Variants in RYR2 observed in about 807,000 individuals in gnomAD.
RYR2 encodes ryanodine receptor 2, also known as cardiac muscle ryanodine receptor-calcium release channel.
Under a neutral mutation model 601.1 loss-of-function variants are expected in RYR2, and 227 were observed. The ratio of observed to expected loss-of-function variants is 0.38; its 90% CI spans 0.34 to 0.42. The LOEUF is 0.42. Ranked by LOEUF, RYR2 falls within the 10% of genes least tolerant of loss-of-function variation. The pLI is 1.00. For synonymous variants in RYR2, 2,223 were observed against 2,175.1 expected (o/e 1.02, Z -0.61); for missense variants, 4,646 against 6,156.5 (o/e 0.75, Z 8.21).
At chr1:237,275,911 A>G (rs975597682) in intron 2 of RYR2, among the ~76,000 whole-genome samples, 4 of 152,168 alleles carry the variant, frequency 2.6e-5, no homozygotes, top group Non-Finnish European at 5.9e-5. Context: ...AATAAAAACC[A>G]CACAAAAGAC....
intron 1 of RYR2, among the ~76,000 whole-genome samples, chr1:237,155,019 A>AGCTT (rs1675150386): frequency 6.6e-6 from 1 of 152,076 alleles, no homozygotes; most frequent in Non-Finnish European, 1.5e-5. Context: ...TTGCTTTCCA[A>AGCTT]GCCTCAAGGA....
Position 237,601,254 on chromosome 1 carries a change from A to T in RYR2, c.4597-771A>T, listed in dbSNP as rs574787402. Among the ~76,000 whole-genome samples, 5 of 152,146 alleles carry T rather than the reference A, an allele frequency of 3.3e-5. No individual in the cohort carries two copies. The South Asian group carries it at 1.0e-3, about 32-fold the overall frequency. ...ACACAGTGGAATACTATTTGGTCATAAAAAAAATGAGAACCTGTCATTCGC... is the reference window on the plus strand; with the variant it reads ...ACACAGTGGAATACTATTTGGTCATTAAAAAAATGAGAACCTGTCATTCGC... On this transcript the variant is annotated intron_variant, in intron 34 of 104. Transcript: ENST00000366574.
At chr1:237,798,801 C>CACACATAT (rs3835529) in intron 97 of RYR2, among the ~76,000 whole-genome samples, 23 of 148,398 alleles carry the variant, frequency 1.5e-4, no homozygotes, top group African/African-American at 5.9e-4. Context: ...CACACACACA[C>CACACATAT]ATATAGTGTG....
At position 237,649,992 on chromosome 1, in the gene RYR2, C is replaced by T. The variant is rs745356711; in HGVS notation, c.7628C>T (p.Ser2543Phe). 1 of 1,614,010 alleles carries T rather than the reference C, an allele frequency of 6.2e-7. No homozygotes were observed. The highest frequency in any genetic ancestry group is 1.7e-5 in the Admixed American group (1 of 60,024). Residue 2543 changes from serine (S) to phenylalanine (F), a missense_variant, in exon 50 of 105, where the codon TCT (serine) becomes TTT (phenylalanine). By Grantham distance (155) the Ser-to-Phe change is radical. This residue lies in a region of RYR2 where 1,497 missense variants were observed against 1,842.6 expected (regional missense o/e 0.81). Coordinates refer to ENST00000366574, the MANE Select transcript of RYR2 (RefSeq NM_001035.3). ...PLFAGTEHHA[S>F]LIDSLLHTVY... ...TTTGCTGGCACAGAGCACCACGCTTCTCTCATTGACTCATTACTTCATACT... is the reference window on the plus strand; with the variant it reads ...TTTGCTGGCACAGAGCACCACGCTTTTCTCATTGACTCATTACTTCATACT...
intron 20 of RYR2, among the ~76,000 whole-genome samples, chr1:237,498,051 A>C (rs1664259556): frequency 6.6e-6 from 1 of 151,906 alleles, no homozygotes; most frequent in Non-Finnish European, 1.5e-5. Context: ...ATTTTAGTAG[A>C]GTCGGGGTTT....
intron 41 of RYR2, among the ~76,000 whole-genome samples, chr1:237,629,390 TAAAG>T (rs1680021245): frequency 6.6e-6 from 1 of 151,612 alleles, no homozygotes; most frequent in Non-Finnish European, 1.5e-5. Context: ...TAAAAATAAT[TAAAG>T]AAAAAATAAG....
chr1:237,309,846 C>T (rs1306210859), intron 2 of RYR2, among the ~76,000 whole-genome samples: 1 of 152,178 alleles, frequency 6.6e-6, no homozygotes, highest in Non-Finnish European at 1.5e-5. Flanking sequence ...GGACCTGGTG[C>T]ACCCTCTGCA....
At chr1:237,662,480 A>G (rs1056049088) in intron 56 of RYR2, among the ~76,000 whole-genome samples, 21 of 74,594 alleles carry the variant, frequency 2.8e-4, no homozygotes, top group African/African-American at 7.6e-4. Context: ...CAGTATAGAG[A>G]AAGGGATGTT....
In RYR2 at chr1:237,784,729, GGATGAGGTTAGAGGA is replaced by G; in HGVS notation, c.13022_13036del (p.Glu4341_Asp4345del). On this transcript the variant is annotated inframe_deletion, in exon 90 of 105. Coordinates refer to ENST00000366574, the MANE Select transcript of RYR2 (RefSeq NM_001035.3). This position sits in a 1 kb window ranked among gnomAD's most constrained non-coding sequence, Gnocchi z 7.1. ...TAGCCAACATGCCAGACCCCACTCA[GGATGAGGTTAGAGGA>G]GATGGGGAGGAGGGAGAGAGGAAAC... 2 of 1,604,926 alleles carry G rather than the reference GGATGAGGTTAGAGGA, an allele frequency of 1.2e-6. No individual in the cohort carries two copies. Among genetic ancestry groups the G allele is most frequent in the Non-Finnish European group, 1.7e-6 (2 of 1,174,662 alleles).
At chr1:237,331,826 T>C (rs1016119796) in intron 3 of RYR2, among the ~76,000 whole-genome samples, 2 of 152,124 alleles carry the variant, frequency 1.3e-5, no homozygotes, top group Admixed American at 6.5e-5. Flanking sequence ...GAAATTGTTA[T>C]GTGGTTTCCT....
At chr1:237,767,295 A>AAGTT (rs1174926616) in intron 84 of RYR2, among the ~76,000 whole-genome samples, 1 of 152,170 alleles carries the variant, frequency 6.6e-6, no homozygotes, top group Non-Finnish European at 1.5e-5. Context: ...ACTGATGGTA[A>AAGTT]CTTTACAACA....
At position 237,614,108 on chromosome 1, in the gene RYR2, C is replaced by A. The variant is rs1223476500; in HGVS notation, c.4980C>A (p.Leu1660=). ...AATTTCACTATCACACTCTCCGGCT[C>A]TACTCAGCCGTCTGTGCTCTTGGGA... The part of the protein sequence containing the change: ...LLKFHYHTLR[L]YSAVCALGNH... The change falls in exon 37 of 105, where the codon CTC becomes CTA. Residue 1660 remains leucine (L), a synonymous_variant. Coordinates refer to ENST00000366574, the MANE Select transcript of RYR2 (RefSeq NM_001035.3). The surrounding 1 kb of genome is among the most constrained non-coding windows in gnomAD (Gnocchi z 4.3). 2 of 1,613,922 alleles carry A rather than the reference C, an allele frequency of 1.2e-6. No homozygotes were observed. Among genetic ancestry groups the A allele is most frequent in the Non-Finnish European group, 1.7e-6 (2 of 1,179,902 alleles).
At chr1:237,588,040 ATTTCT>A (rs1674726224) in intron 29 of RYR2, among the ~76,000 whole-genome samples, 1 of 151,988 alleles carries the variant, frequency 6.6e-6, no homozygotes, top group South Asian at 2.1e-4. Flanking sequence ...ATTTGATTTG[ATTTCT>A]TTTTATTTGA....
At chr1:237,463,634 A>T (rs575116298) in intron 16 of RYR2, among the ~76,000 whole-genome samples, 1 of 152,196 alleles carries the variant, frequency 6.6e-6, no homozygotes, top group Non-Finnish European at 1.5e-5. Context: ...TGAGGAAGGG[A>T]GTTGGAGACC....
chr1:237,486,586 T>G (rs191105942), intron 17 of RYR2, among the ~76,000 whole-genome samples: 1 of 152,342 alleles, frequency 6.6e-6, no homozygotes, highest in Admixed American at 6.5e-5. Context: ...GAAAGGCAGC[T>G]AATGTTACTG....
chr1:237,500,631 A>G, intron 20 of RYR2, 80 bp from the exon 21 acceptor site: 14 of 1,267,014 alleles, frequency 1.1e-5, no homozygotes, highest in Non-Finnish European at 1.5e-5. Context: ...TACTTATTCA[A>G]ATCTTTTGAC....
intron 80 of RYR2, among the ~76,000 whole-genome samples, 151 bp from the exon 81 acceptor site, chr1:237,756,134 TTAA>T (rs1692934420): frequency 6.6e-6 from 1 of 152,048 alleles, no homozygotes; most frequent in Non-Finnish European, 1.5e-5. Flanking sequence ...GTTGAATATG[TTAA>T]TAATATCTGT....
chr1:237,209,022 A>C (rs1474818407), intron 1 of RYR2, among the ~76,000 whole-genome samples: 1 of 139,508 alleles, frequency 7.2e-6, no homozygotes, highest in Non-Finnish European at 1.5e-5. Context: ...GCCATGTGAA[A>C]ATTTTTTAAA....
intron 92 of RYR2, 99 bp downstream of exon 92, chr1:237,788,234 A>C (rs1483269656): frequency 1.1e-6 from 1 of 894,322 alleles, no homozygotes; most frequent in Non-Finnish European, 1.7e-6. Flanking sequence ...AGTGGCAGTT[A>C]GGGAACCAGG....
Sources: gnomAD v4.1 joint callset for allele counts (sites outside exome capture counted in the v4.1 genomes callset) on GRCh38, gnomAD v4.1.1 for gene constraint, gnomAD v4.1.1 regional missense constraint, Gnocchi (gnomAD v3.1) non-coding constraint, MANE v1.5 for transcripts, NCBI Gene and HGNC (gene_info 2026-07-23, HGNC 2026-07-21) for gene names.